The following CPEB1 variants were observed in gnomAD, a reference collection of about 807,000 sequenced individuals.
CPEB1 encodes cytoplasmic polyadenylation element-binding protein 1.
In CPEB1, 7 loss-of-function variants were observed where a neutral mutation model predicts 65.8. The observed-to-expected ratio is 0.11, with a 90% CI of 0.06 to 0.20. CPEB1 has a LOEUF of 0.20. Ranked by LOEUF, CPEB1 falls within the 10% of genes least tolerant of loss-of-function variation. CPEB1 has a pLI of 1.00. For missense variants in CPEB1, 551 were observed against 712.2 expected, an observed-to-expected ratio of 0.77 and a Z score of 2.58; for synonymous variants, 262 against 260.0, an observed-to-expected ratio of 1.01 and a Z score of -0.08.
rs1176706906 is a variant in CPEB1 at position 82,647,177 on chromosome 15, C to G, written c.-138G>C. On this transcript the variant is annotated 5_prime_UTR_variant, in exon 1 of 13. Transcript: ENST00000684509. The stretch of plus-strand genomic sequence containing the variant: ...CCGGCGGGTCTCCCGGGCACGAAGC[C>G]CCGCCAGTCTTCCGCCCTCGCGCCA... The G allele has an allele frequency of 2.0e-5, 3 of 152,554 alleles. No individual in the cohort carries two copies. Among genetic ancestry groups the G allele is most frequent in the African/African-American group, 7.2e-5 (3 of 41,452 alleles). 9.5% of individuals were successfully genotyped at this position (152,554 alleles called of 1,614,324 possible).
intron 3 of CPEB1, among the ~76,000 whole-genome samples, chr15:82,600,556 T>C (rs1271351312): frequency 6.6e-6 from 1 of 152,108 alleles, no homozygotes; most frequent in African/African-American, 2.4e-5. Context: ...TTGAAATGTA[T>C]AGCAGCAACA....
chr15:82,613,807 C>CG (rs896881182), intron 3 of CPEB1, among the ~76,000 whole-genome samples: 16 of 152,146 alleles, frequency 1.1e-4, no homozygotes, highest in Non-Finnish European at 1.8e-4. Context: ...ACAAGCTCCC[C>CG]CCGGGGAGAG....
intron 1 of CPEB1, among the ~76,000 whole-genome samples, chr15:82,636,592 T>G (rs181193820): frequency 6.6e-6 from 1 of 152,176 alleles, no homozygotes; most frequent in African/African-American, 2.4e-5. Flanking sequence ...CTCAAGAATA[T>G]TGAAAGCACA....
intron 3 of CPEB1, among the ~76,000 whole-genome samples, chr15:82,584,388 A>G (rs1398914653): frequency 6.6e-6 from 1 of 151,690 alleles, no homozygotes; most frequent in Non-Finnish European, 1.5e-5. Context: ...TAAGAATCCC[A>G]TAATGCAGGC....
intron 3 of CPEB1, among the ~76,000 whole-genome samples, chr15:82,607,739 G>C (rs2043759062): frequency 6.6e-6 from 1 of 152,026 alleles, no homozygotes; most frequent in South Asian, 2.1e-4. Flanking sequence ...TAGAGATAAA[G>C]GAGGACATTT....
chr15:82,596,386 A>C (rs1353263541), intron 3 of CPEB1, among the ~76,000 whole-genome samples: 1 of 152,184 alleles, frequency 6.6e-6, no homozygotes, highest in Non-Finnish European at 1.5e-5. Context: ...AATTTGGAAA[A>C]CATATGTACT....
At chr15:82,612,371 C>A (rs2044242933) in intron 3 of CPEB1, among the ~76,000 whole-genome samples, 1 of 151,744 alleles carries the variant, frequency 6.6e-6, no homozygotes, top group South Asian at 2.1e-4. Context: ...GTGGAGCACC[C>A]CTGTAGTCCC....
intron 3 of CPEB1, among the ~76,000 whole-genome samples, chr15:82,624,582 C>T (rs1461198814): frequency 1.3e-5 from 2 of 152,046 alleles, no homozygotes; most frequent in African/African-American, 4.8e-5. Context: ...GGCTACTGAC[C>T]CTGGGCAGAG....
At chr15:82,578,195 G>A (rs28819824) in intron 3 of CPEB1, among the ~76,000 whole-genome samples, 1,772 of 152,288 alleles carry the variant, frequency 0.012, 28 homozygotes, top group African/African-American at 0.041. Context: ...GGTATAGTTA[G>A]GAAACTGAGT....
At chr15:82,584,634 C>T (rs978524073) in intron 3 of CPEB1, among the ~76,000 whole-genome samples, 7 of 148,242 alleles carry the variant, frequency 4.7e-5, no homozygotes, top group South Asian at 2.1e-4. Context: ...GCCAAGATCA[C>T]GCCACTGCAC....
chr15:82,629,534 A>G, intron 1 of CPEB1: 2 of 985,416 alleles, frequency 2.0e-6, no homozygotes, highest in Non-Finnish European at 2.4e-6. Context: ...ACCACCATCC[A>G]CCAGATGCCC....
At position 82,632,412 on chromosome 15, in the gene CPEB1, T is replaced by C. The variant is rs552711064; in HGVS notation, c.-97-3856A>G. 5.9e-5 allele frequency among the ~76,000 whole-genome samples: 9 copies of C among 152,324 alleles called. No individual in the cohort carries two copies. In the South Asian group the frequency reaches 1.7e-3, roughly 28 times the overall value. On this transcript the variant is annotated intron_variant, in intron 1 of 12. Transcript: ENST00000684509. ...AACTGTCACCCATCATGAATTCAGG[T>C]GTCTAATTTCTACTTGTGACATACT...
At chr15:82,629,696 G>A (rs148550356) in intron 1 of CPEB1, 2 of 985,102 alleles carry the variant, frequency 2.0e-6, no homozygotes, top group African/African-American at 1.7e-5. Flanking sequence ...ATTATCTTGC[G>A]GAAAACAAAA....
chr15:82,554,578 T>C lies in CPEB1; in HGVS notation c.941-587A>G, dbSNP rs958443857. 2.6e-5 allele frequency among the ~76,000 whole-genome samples: 4 copies of C among 152,288 alleles called. 1 individual carries two copies. In the Middle Eastern group the frequency reaches 0.014, roughly 518 times the overall value. On this transcript the variant is annotated intron_variant, in intron 6 of 12. Transcript: ENST00000684509. ...ATCTTTATAGCACCCAAATAGACAA[T>C]GGGCCTTCCTTGATGCCAGCATGGT... is the stretch of plus-strand genomic sequence containing the variant.
intron 3 of CPEB1, chr15:82,573,003 G>A (rs778595144): frequency 2.6e-6 from 4 of 1,522,584 alleles, no homozygotes; most frequent in Non-Finnish European, 3.5e-6. Flanking sequence ...CACCAGGCAG[G>A]CTGCTCAAAC....
At chr15:82,572,594 G>A (rs949433874) in intron 3 of CPEB1, among the ~76,000 whole-genome samples, 2 of 152,148 alleles carry the variant, frequency 1.3e-5, no homozygotes, top group Admixed American at 1.3e-4. Flanking sequence ...GGCACAGACT[G>A]AGGAAACACT....
chr15:82,603,830 CAACA>C lies in CPEB1; in HGVS notation c.271+23359_271+23362del, dbSNP rs545497056. Among the ~76,000 whole-genome samples the C allele has an allele frequency of 2.9e-3, 442 of 152,256 alleles. 3 individuals are homozygous for C. Among genetic ancestry groups the C allele is most frequent in the African/African-American group, 0.01 (425 of 41,550 alleles). On this transcript the variant is annotated intron_variant, in intron 3 of 12. Transcript: ENST00000684509. ...CTGAGAAGAGCCACTAAATGAACAA[CAACA>C]AACAAGAACCCTTCAGCCTGTGGAG...
At chr15:82,599,257 C>T (rs2042910143) in intron 3 of CPEB1, among the ~76,000 whole-genome samples, 2 of 152,186 alleles carry the variant, frequency 1.3e-5, no homozygotes, top group South Asian at 2.1e-4. Flanking sequence ...CAACTGGACA[C>T]GTTCCTAGGC....
intron 3 of CPEB1, among the ~76,000 whole-genome samples, chr15:82,611,037 A>C (rs2044108716): frequency 6.6e-6 from 1 of 151,248 alleles, no homozygotes; most frequent in Non-Finnish European, 1.5e-5. Flanking sequence ...TCCTACAAAA[A>C]CACCCACATC....
Sources: gnomAD v4.1 joint callset for allele counts (sites outside exome capture counted in the v4.1 genomes callset) on GRCh38, gnomAD v4.1.1 for gene constraint, MANE v1.5 for transcripts, NCBI Gene and HGNC (gene_info 2026-07-23, HGNC 2026-07-21) for gene names.